The following ACSL3 variants were observed in gnomAD, a reference collection of about 807,000 sequenced individuals.
The protein encoded by ACSL3 is acyl-CoA synthetase long chain family member 3, also known as fatty acid CoA ligase Acsl3.
ACSL3 carries 34 observed loss-of-function variants against 84.7 expected under a neutral mutation model. The ratio of observed to expected loss-of-function variants is 0.40; its 90% CI spans 0.31 to 0.53. The LOEUF is 0.53. ACSL3 is among the 20% of genes least tolerant of loss of function. The pLI, the probability that ACSL3 is intolerant of heterozygous loss-of-function variation, is 0.48. For missense variants in ACSL3, 680 were observed against 873.1 expected (o/e 0.78, Z 2.79); for synonymous variants, 315 against 299.4 (o/e 1.05, Z -0.54).
At chr2:222,926,206 ATAATT>A (rs578053724) in intron 11 of ACSL3, among the ~76,000 whole-genome samples, 34 of 152,350 alleles carry the variant, frequency 2.2e-4, no homozygotes, top group Admixed American at 2.1e-3. Context: ...TAATCTAGAG[ATAATT>A]TAAAGTATTT....
intron 2 of ACSL3, among the ~76,000 whole-genome samples, chr2:222,894,521 A>G (rs1179636950): frequency 1.3e-5 from 2 of 152,238 alleles, no homozygotes; most frequent in Admixed American, 6.5e-5. Flanking sequence ...ATAAGTAGTA[A>G]TAGGTCATTT....
intron 1 of ACSL3, among the ~76,000 whole-genome samples, chr2:222,875,043 G>A (rs1695409471): frequency 6.6e-6 from 1 of 152,126 alleles, no homozygotes; most frequent in African/African-American, 2.4e-5. Flanking sequence ...AGGAATAATT[G>A]TAAAAATTTA....
At chr2:222,883,989 A>G (rs773103917) in intron 1 of ACSL3, among the ~76,000 whole-genome samples, 6 of 152,168 alleles carry the variant, frequency 3.9e-5, no homozygotes, top group Non-Finnish European at 7.3e-5. Context: ...GCCTTTGAGA[A>G]TATTACATAG....
chr2:222,892,555 ATGATTTGCGTCATTCATCTGGGAC>A (rs1283877363), intron 2 of ACSL3, among the ~76,000 whole-genome samples: 2 of 152,152 alleles, frequency 1.3e-5, no homozygotes, highest in African/African-American at 4.8e-5. Context: ...TTCATAATAC[ATGATTTGCGTCATTCATCTGGGAC>A]TCTTAAGTCT....
Position 222,942,359 on chromosome 2 carries a change from C to G in ACSL3, c.*705C>G, listed in dbSNP as rs1003900690. 4.2e-5 allele frequency: 8 copies of G among 190,374 alleles called. No homozygotes were observed. Among genetic ancestry groups the G allele is most frequent in the African/African-American group, 1.9e-4 (8 of 42,998 alleles). The allele number at this position is 190,374 out of a possible 1,614,324, so 11.8% of individuals were successfully genotyped here. A position where few individuals can be genotyped will look rare whatever the true frequency, so the allele number is the denominator to read the frequency against. Reference sequence around the variant, plus strand: ...TATAGTTTAATAGTAAGGGAGATAACACAGCATGTGTAGCACCAGTTGATA... The same window carrying G: ...TATAGTTTAATAGTAAGGGAGATAAGACAGCATGTGTAGCACCAGTTGATA... On this transcript the variant is annotated 3_prime_UTR_variant, in exon 17 of 17. Transcript: ENST00000357430.
intron 1 of ACSL3, among the ~76,000 whole-genome samples, chr2:222,871,850 C>T (rs967541395): frequency 3.3e-5 from 5 of 152,102 alleles, no homozygotes; most frequent in Admixed American, 1.3e-4. Flanking sequence ...AATTAGTTTT[C>T]TAATGATAGG....
chr2:222,883,817 CTTCT>C (rs1255086961), intron 1 of ACSL3, among the ~76,000 whole-genome samples: 2 of 152,032 alleles, frequency 1.3e-5, no homozygotes, highest in Non-Finnish European at 2.9e-5. Context: ...TGCTTTTGCT[CTTCT>C]TTATCTGGAA....
chr2:222,921,045 G>C, intron 7 of ACSL3: 1 of 619,456 alleles, frequency 1.6e-6, no homozygotes, highest in Middle Eastern at 2.6e-4. Context: ...TTCTCACCTT[G>C]TCTTGCTTCA....
chr2:222,927,239 T>G, intron 12 of ACSL3, 50 bp downstream of exon 12: 1 of 1,585,934 alleles, frequency 6.3e-7, no homozygotes, highest in Non-Finnish European at 8.6e-7. Context: ...GACGTTTTTT[T>G]GGGGTATGGG....
intron 2 of ACSL3, among the ~76,000 whole-genome samples, chr2:222,893,107 G>A (rs1213777511): frequency 6.6e-6 from 1 of 152,132 alleles, no homozygotes; most frequent in Non-Finnish European, 1.5e-5. Context: ...TACAGAGGAG[G>A]AAATCAGATT....
At chr2:222,886,101 G>T (rs140289836) in intron 1 of ACSL3, among the ~76,000 whole-genome samples, 1 of 152,088 alleles carries the variant, frequency 6.6e-6, no homozygotes, top group Non-Finnish European at 1.5e-5. Flanking sequence ...TGTGCAGAAC[G>T]TGCAGGTTTA....
chr2:222,864,638 T>G (rs1158875961), intron 1 of ACSL3, among the ~76,000 whole-genome samples: 1 of 151,896 alleles, frequency 6.6e-6, no homozygotes, highest in African/African-American at 2.4e-5. Context: ...TGGGGAGCAG[T>G]GGGAGGTGAG....
intron 1 of ACSL3, among the ~76,000 whole-genome samples, chr2:222,874,478 C>T (rs1001482915): frequency 1.3e-5 from 2 of 152,100 alleles, no homozygotes; most frequent in African/African-American, 4.8e-5. Flanking sequence ...ATCACTTGCA[C>T]CCAGGAGTTT....
intron 1 of ACSL3, among the ~76,000 whole-genome samples, chr2:222,881,060 A>G (rs914557734): frequency 3.0e-4 from 45 of 152,296 alleles, no homozygotes; most frequent in African/African-American, 1.0e-3. Context: ...TTCAGAAGAC[A>G]TGCCTTGAGA....
At chr2:222,894,000 G>A (rs1695909276) in intron 2 of ACSL3, among the ~76,000 whole-genome samples, 2 of 152,234 alleles carry the variant, frequency 1.3e-5, no homozygotes, top group South Asian at 4.1e-4. Flanking sequence ...CCGGCAAGAA[G>A]CTTTCATATG....
rs1162527239 is a variant in ACSL3, at chr2:222,908,742, GAA to G, written c.-30_-29del. ...TTTTTCTTCCTCCTAGATTCTCGCT[GAA>G]GTCTGTTAATTCTACTTTTTGAGTA... On this transcript the variant is annotated 5_prime_UTR_variant, in exon 4 of 17. Transcript: ENST00000357430. The G allele has an allele frequency of 1.3e-6, 2 of 1,547,806 alleles. No homozygotes were observed. Among genetic ancestry groups the G allele is most frequent in the African/African-American group, 2.8e-5 (2 of 70,532 alleles).
rs911437649 is a variant in ACSL3 at position 222,942,349 on chromosome 2, A to C, written c.*695A>C. 1.6e-5 allele frequency: 3 copies of C among 189,700 alleles called. No individual in the cohort carries two copies. The highest frequency in any genetic ancestry group is 7.0e-5 in the African/African-American group (3 of 42,988). The allele number at this position is 189,700 out of a possible 1,614,324, so 11.8% of individuals were successfully genotyped here. ...AAGAGAGGGTTATAGTTTAATAGTA[A>C]GGGAGATAACACAGCATGTGTAGCA... On this transcript the variant is annotated 3_prime_UTR_variant, in exon 17 of 17. Transcript: ENST00000357430.
intron 1 of ACSL3, among the ~76,000 whole-genome samples, chr2:222,875,844 A>C (rs1037931471): frequency 1.3e-5 from 2 of 151,946 alleles, no homozygotes; most frequent in Non-Finnish European, 2.9e-5. Flanking sequence ...TTTTTTGATG[A>C]TGTTTCTTTT....
chr2:222,898,312 ATAACTC>A (rs1163986225), intron 2 of ACSL3, among the ~76,000 whole-genome samples: 1 of 152,196 alleles, frequency 6.6e-6, no homozygotes, highest in Non-Finnish European at 1.5e-5. Context: ...TTGTAGGAAA[ATAACTC>A]TATAAGAATC....
Sources: gnomAD v4.1 joint callset for allele counts (sites outside exome capture counted in the v4.1 genomes callset) on GRCh38, gnomAD v4.1.1 for gene constraint, MANE v1.5 for transcripts, NCBI Gene and HGNC (gene_info 2026-07-23, HGNC 2026-07-21) for gene names.